The following SLC16A7 variants were observed in gnomAD, a reference collection of about 807,000 sequenced individuals.
The protein encoded by SLC16A7 is monocarboxylate transporter 2.
In SLC16A7, 33 loss-of-function variants were observed where a neutral mutation model predicts 34.9. That is an observed-to-expected ratio of 0.94 (90% CI 0.72 to 1.26). SLC16A7 has a LOEUF of 1.26. SLC16A7 is among the 50% of genes most tolerant of loss of function. The probability of loss-of-function intolerance (pLI) is 0.00; values close to 1 mark genes in which losing one functional copy is unlikely to be tolerated. For synonymous variants in SLC16A7, 201 were observed against 206.6 expected (o/e 0.97, Z 0.23); for missense variants, 573 against 578.1 (o/e 0.99, Z 0.09).
At chr12:59,761,702 CA>C in intron 3 of SLC16A7, among the ~76,000 whole-genome samples, 1 of 152,150 alleles carries the variant, frequency 6.6e-6, no homozygotes, top group East Asian at 1.9e-4. Context: ...ACATTCTTGT[CA>C]AGAAACAGGA....
At chr12:59,694,056 T>C (rs1871985158) in intron 2 of SLC16A7, among the ~76,000 whole-genome samples, 1 of 151,984 alleles carries the variant, frequency 6.6e-6, no homozygotes, top group Non-Finnish European at 1.5e-5. Context: ...TAAAACATTG[T>C]TTATTTTTAT....
At chr12:59,623,046 CTGTGTGTGTGTGTGTG>C (rs57399813) in intron 1 of SLC16A7, among the ~76,000 whole-genome samples, 3,647 of 134,980 alleles carry the variant, frequency 0.027, 67 homozygotes, top group Middle Eastern at 0.046. Flanking sequence ...CTACTGAATG[CTGTGTGTGTGTGTGTG>C]TGTGTGTGTG....
At chr12:59,665,644 ATATTG>A (rs1195734467) in intron 2 of SLC16A7, among the ~76,000 whole-genome samples, 3 of 152,120 alleles carry the variant, frequency 2.0e-5, no homozygotes, top group Admixed American at 2.0e-4. Context: ...AAAAATAAAA[ATATTG>A]TATACATTTA....
intron 5 of SLC16A7, among the ~76,000 whole-genome samples, chr12:59,778,755 TAAAC>T (rs1276622099): frequency 6.6e-6 from 1 of 152,090 alleles, no homozygotes; most frequent in African/African-American, 2.4e-5. Context: ...ACATGGCACT[TAAAC>T]AACAGGTTAG....
chr12:59,601,959 A>C (rs1412184254), intron 1 of SLC16A7, among the ~76,000 whole-genome samples: 1 of 152,184 alleles, frequency 6.6e-6, no homozygotes, highest in Non-Finnish European at 1.5e-5. Context: ...CGTAACAATG[A>C]TCTATCTCTG....
intron 1 of SLC16A7, among the ~76,000 whole-genome samples, chr12:59,628,636 C>A (rs1356097724): frequency 2.0e-5 from 3 of 151,550 alleles, no homozygotes; most frequent in Non-Finnish European, 4.4e-5. Flanking sequence ...ACATCATATT[C>A]TTTGTGTGTG....
chr12:59,633,819 C>T (rs1880298754), intron 1 of SLC16A7, among the ~76,000 whole-genome samples: 1 of 151,920 alleles, frequency 6.6e-6, no homozygotes, highest in Non-Finnish European at 1.5e-5. Context: ...TGAAAAGTCA[C>T]TTACTATCAC....
rs1356742800 is a variant in SLC16A7 at position 59,780,897 on chromosome 12, A to G, written c.*1218A>G. The G allele has an allele frequency of 1.3e-5, 2 of 152,194 alleles. No homozygotes were observed. The highest frequency in any genetic ancestry group is 4.8e-5 in the African/African-American group (2 of 41,436). 9.4% of individuals were successfully genotyped at this position (152,194 alleles called of 1,614,324 possible). A position where few individuals can be genotyped will look rare whatever the true frequency, so the allele number is the denominator to read the frequency against. On this transcript the variant is annotated 3_prime_UTR_variant, in exon 6 of 6. Coordinates refer to ENST00000547379, the MANE Select transcript of SLC16A7 (RefSeq NM_001270623.2). ...ACAGGCCTTGTGCTCAACCACTGGA[A>G]ATGCCTCCTGGGATAAGAATGGCAG...
intron 1 of SLC16A7, among the ~76,000 whole-genome samples, chr12:59,643,065 G>A (rs564513217): frequency 6.6e-6 from 1 of 152,148 alleles, no homozygotes; most frequent in African/African-American, 2.4e-5. Context: ...CTTAGATTCT[G>A]TATAAAATAT....
At position 59,713,259 on chromosome 12, in the gene SLC16A7, T is replaced by A. The variant is rs565151647; in HGVS notation, c.217+8241T>A. On this transcript the variant is annotated intron_variant, in intron 3 of 5. Transcript: ENST00000547379. ...GGTCTCAAGCTCCCAACCTCAGGTG[T>A]TCCACCCATCTAGGCCTCCCAAAGT... Among the ~76,000 whole-genome samples the A allele has an allele frequency of 1.4e-3, 212 of 152,138 alleles. 1 individual carries two copies. Among genetic ancestry groups the A allele is most frequent in the Middle Eastern group, 6.8e-3 (2 of 294 alleles).
intron 1 of SLC16A7, among the ~76,000 whole-genome samples, chr12:59,626,274 A>G (rs1295405360): frequency 2.6e-5 from 4 of 151,722 alleles, no homozygotes; most frequent in Non-Finnish European, 4.4e-5. Flanking sequence ...AAAGAGAAGA[A>G]CTTATGACTT....
chr12:59,619,919 A>G (rs1459162872), intron 1 of SLC16A7, among the ~76,000 whole-genome samples: 2 of 152,036 alleles, frequency 1.3e-5, no homozygotes, highest in Non-Finnish European at 2.9e-5. Context: ...GTTTTTACAG[A>G]AAACAATCCA....
At chr12:59,730,320 A>C (rs1592592850) in intron 3 of SLC16A7, among the ~76,000 whole-genome samples, 1 of 148,880 alleles carries the variant, frequency 6.7e-6, no homozygotes, top group Non-Finnish European at 1.5e-5. Flanking sequence ...TCTTATGTCC[A>C]CTCTAAAAGG....
At chr12:59,726,025 TG>T (rs1300466201) in intron 3 of SLC16A7, among the ~76,000 whole-genome samples, 1 of 152,164 alleles carries the variant, frequency 6.6e-6, no homozygotes, top group African/African-American at 2.4e-5. Flanking sequence ...ATTCTAATCT[TG>T]TATGGAATAT....
chr12:59,763,015 A>T lies in SLC16A7; in HGVS notation c.218-8204A>T, dbSNP rs911277608. Among the ~76,000 whole-genome samples, 39 of 152,222 alleles carry T rather than the reference A, an allele frequency of 2.6e-4. 1 individual carries two copies. Among genetic ancestry groups the T allele is most frequent in the African/African-American group, 9.1e-4 (38 of 41,568 alleles). Reference sequence around the variant, plus strand: ...ATTTTTATTTGCAAAAACATTGCACATACATCTAATTTTTAAAAATTTTCT... The same window carrying T: ...ATTTTTATTTGCAAAAACATTGCACTTACATCTAATTTTTAAAAATTTTCT... On this transcript the variant is annotated intron_variant, in intron 3 of 5. Coordinates refer to ENST00000547379, the MANE Select transcript of SLC16A7 (RefSeq NM_001270623.2).
At chr12:59,638,054 T>C (rs1880514149) in intron 1 of SLC16A7, among the ~76,000 whole-genome samples, 1 of 152,152 alleles carries the variant, frequency 6.6e-6, no homozygotes, top group South Asian at 2.1e-4. Flanking sequence ...TGTGGTTTTC[T>C]GTTATAGCAG....
At chr12:59,757,969 G>C (rs1217148182) in intron 3 of SLC16A7, among the ~76,000 whole-genome samples, 1 of 151,942 alleles carries the variant, frequency 6.6e-6, no homozygotes, top group Non-Finnish European at 1.5e-5. Flanking sequence ...TCAGCAGAAG[G>C]CTATTAGTTT....
intron 2 of SLC16A7, among the ~76,000 whole-genome samples, chr12:59,685,054 G>A (rs1201342591): frequency 6.6e-6 from 1 of 152,142 alleles, no homozygotes; most frequent in East Asian, 1.9e-4. Flanking sequence ...GGAAGGTATG[G>A]GGAAAAGAAA....
At chr12:59,671,746 A>G (rs893098195) in intron 2 of SLC16A7, among the ~76,000 whole-genome samples, 5 of 144,680 alleles carry the variant, frequency 3.5e-5, no homozygotes, top group African/African-American at 1.3e-4. Flanking sequence ...GTATATATGT[A>G]TATATAATGT....
Sources: gnomAD v4.1 joint callset for allele counts (sites outside exome capture counted in the v4.1 genomes callset) on GRCh38, gnomAD v4.1.1 for gene constraint, MANE v1.5 for transcripts, NCBI Gene and HGNC (gene_info 2026-07-23, HGNC 2026-07-21) for gene names.